Variants in SPON1 observed in about 807,000 individuals in gnomAD.
SPON1 encodes the protein spondin 1.
SPON1 carries 52 observed loss-of-function variants against 111.7 expected under a neutral mutation model. The ratio of observed to expected loss-of-function variants is 0.47; its 90% CI spans 0.37 to 0.59. The LOEUF is 0.59. Ranked by LOEUF, SPON1 falls within the 20% of genes least tolerant of loss-of-function variation. The pLI is 0.00. For missense variants in SPON1, 957 were observed against 1,068.5 expected (o/e 0.90, Z 1.46); for synonymous variants, 410 against 395.8 (o/e 1.04, Z -0.43).
At chr11:14,246,245 A>G (rs1554940244) in intron 7 of SPON1, among the ~76,000 whole-genome samples, 1 of 152,196 alleles carries the variant, frequency 6.6e-6, no homozygotes, top group Non-Finnish European at 1.5e-5. Flanking sequence ...GGAGGGAGAG[A>G]GGAAAGAGAG....
Position 14,254,564 on chromosome 11 carries a change from A to G in SPON1, c.927A>G (p.Arg309=), listed in dbSNP as rs782764773. Residue 309 remains arginine, a synonymous_variant, in exon 8 of 16, where the codon AGA becomes AGG. Transcript: ENST00000576479. ...AAPSAEFSVD[R]TRHLMSFLTM... ...CTTCAGCTGAATTTTCCGTGGACAG[A>G]ACGCGCCATTTAATGTCCTTCCTGA... 6.2e-7 allele frequency: 1 copy of G among 1,612,736 alleles called. No homozygotes were observed. Among genetic ancestry groups the G allele is most frequent in the Non-Finnish European group, 8.5e-7 (1 of 1,179,248 alleles).
intron 2 of SPON1, among the ~76,000 whole-genome samples, chr11:14,027,680 C>T (rs929965421): frequency 8.5e-5 from 13 of 152,108 alleles, no homozygotes; most frequent in Admixed American, 4.6e-4. Context: ...ACTACTCAGG[C>T]GGAGCAGGAT....
chr11:13,983,360 G>A (rs1417537128), intron 2 of SPON1, among the ~76,000 whole-genome samples: 17 of 152,214 alleles, frequency 1.1e-4, no homozygotes, highest in Admixed American at 1.1e-3. Flanking sequence ...CACAGGAGAA[G>A]GACTATTAAG....
At chr11:14,036,375 G>A (rs1275901654) in intron 2 of SPON1, among the ~76,000 whole-genome samples, 1 of 152,146 alleles carries the variant, frequency 6.6e-6, no homozygotes. Flanking sequence ...ACATTCAGGA[G>A]ATATTTGGAA....
At chr11:13,964,414 C>A (rs550145078) in intron 1 of SPON1, among the ~76,000 whole-genome samples, 4 of 152,256 alleles carry the variant, frequency 2.6e-5, no homozygotes, top group African/African-American at 9.6e-5. Flanking sequence ...GGGAGCAACA[C>A]AGGAGAAAGT....
At chr11:13,984,729 T>C (rs1458479389) in intron 2 of SPON1, among the ~76,000 whole-genome samples, 1 of 152,246 alleles carries the variant, frequency 6.6e-6, no homozygotes, top group Non-Finnish European at 1.5e-5. Context: ...AGTAAGTTGA[T>C]AGTCTTCTCT....
intron 6 of SPON1, among the ~76,000 whole-genome samples, chr11:14,211,130 G>A (rs920481551): frequency 5.9e-5 from 9 of 152,122 alleles, no homozygotes; most frequent in Non-Finnish European, 1.0e-4. Flanking sequence ...TTCTGGCCAG[G>A]GCAATCAGGC....
intron 6 of SPON1, among the ~76,000 whole-genome samples, chr11:14,167,192 T>G (rs1848040475): frequency 6.6e-6 from 1 of 152,158 alleles, no homozygotes; most frequent in South Asian, 2.1e-4. Flanking sequence ...GTATAATTTT[T>G]GTACCAAATA....
chr11:14,090,842 C>T (rs1387005345), intron 5 of SPON1, among the ~76,000 whole-genome samples: 2 of 42,568 alleles, frequency 4.7e-5, no homozygotes, highest in South Asian at 1.9e-3. Context: ...CCCCCCCCCC[C>T]CCGCCCACAT....
At chr11:14,245,180 C>A (rs114276473) in intron 7 of SPON1, among the ~76,000 whole-genome samples, 259 of 152,196 alleles carry the variant, frequency 1.7e-3, no homozygotes, top group African/African-American at 6.1e-3. Context: ...AAGGAAGACG[C>A]CCCAGGATAG....
rs1554939898 is a variant in SPON1 at position 14,243,388 on chromosome 11, T to C, written c.882T>C (p.Pro294=). 5 of 1,572,590 alleles carry C rather than the reference T, an allele frequency of 3.2e-6. No individual in the cohort carries two copies. The East Asian group carries it at 9.3e-5, about 29-fold the overall frequency. Residue 294 remains proline (P), a synonymous_variant, in exon 7 of 16, where the codon CCT becomes CCC. Coordinates refer to ENST00000576479, the MANE Select transcript of SPON1 (RefSeq NM_006108.4). ...KAKAQWPAWQ[P]LNVRAAPSAE... ...AAGCCCAATGGCCAGCCTGGCAGCCTCTCAACGTGTAAGTAACACAAGTCC... is the reference window on the plus strand; with the variant it reads ...AAGCCCAATGGCCAGCCTGGCAGCCCCTCAACGTGTAAGTAACACAAGTCC...
chr11:14,241,897 AT>A (rs1282010497), intron 6 of SPON1, among the ~76,000 whole-genome samples: 4 of 152,018 alleles, frequency 2.6e-5, no homozygotes, highest in Non-Finnish European at 5.9e-5. Flanking sequence ...GCATCCCAAG[AT>A]TTTTTTCATC....
At chr11:14,167,964 T>C (rs1265756371) in intron 6 of SPON1, among the ~76,000 whole-genome samples, 1 of 152,214 alleles carries the variant, frequency 6.6e-6, no homozygotes, top group South Asian at 2.1e-4. Flanking sequence ...TCCTCTGAAC[T>C]GGACAAAATT....
intron 2 of SPON1, among the ~76,000 whole-genome samples, chr11:14,030,175 C>T (rs555648361): frequency 2.6e-5 from 4 of 152,328 alleles, no homozygotes; most frequent in Admixed American, 1.3e-4. Context: ...CCTCCTCCCA[C>T]GCAGCACTCA....
At chr11:14,206,341 A>G (rs1481737033) in intron 6 of SPON1, among the ~76,000 whole-genome samples, 1 of 152,082 alleles carries the variant, frequency 6.6e-6, no homozygotes, top group Non-Finnish European at 1.5e-5. Flanking sequence ...CTACAGGTGC[A>G]CACTACCACA....
At chr11:14,233,530 C>A (rs969472743) in intron 6 of SPON1, among the ~76,000 whole-genome samples, 2 of 152,196 alleles carry the variant, frequency 1.3e-5, no homozygotes, top group Non-Finnish European at 2.9e-5. Flanking sequence ...GCAGCCAAGG[C>A]CAGAGACTTC....
intron 7 of SPON1, among the ~76,000 whole-genome samples, chr11:14,252,794 G>T (rs530412139): frequency 6.6e-6 from 1 of 152,392 alleles, no homozygotes; most frequent in Non-Finnish European, 1.5e-5. Flanking sequence ...AGGCTTGAAA[G>T]ATGAGTGGGC....
At chr11:14,201,612 G>T (rs370974790) in intron 6 of SPON1, among the ~76,000 whole-genome samples, 16 of 151,914 alleles carry the variant, frequency 1.1e-4, no homozygotes, top group African/African-American at 3.9e-4. Flanking sequence ...TGCCTGGTCT[G>T]GTCTCAAACT....
intron 1 of SPON1, among the ~76,000 whole-genome samples, chr11:13,981,008 T>C (rs1269122337): frequency 6.6e-6 from 1 of 152,210 alleles, no homozygotes; most frequent in African/African-American, 2.4e-5. Flanking sequence ...CCATATCTAA[T>C]GTCCAGGATC....
Sources: gnomAD v4.1 joint callset for allele counts (sites outside exome capture counted in the v4.1 genomes callset) on GRCh38, gnomAD v4.1.1 for gene constraint, MANE v1.5 for transcripts, NCBI Gene and HGNC (gene_info 2026-07-23, HGNC 2026-07-21) for gene names.